The following PIK3C2G variants were observed in gnomAD, a reference collection of about 807,000 sequenced individuals.
The protein encoded by PIK3C2G is phosphatidylinositol 3-kinase C2 domain-containing subunit gamma.
In PIK3C2G, 168 loss-of-function variants were observed where a neutral mutation model predicts 181.1. The observed-to-expected ratio is 0.93, with a 90% CI of 0.82 to 1.05. The LOEUF (loss-of-function observed/expected upper bound fraction) is 1.05. PIK3C2G is among the 50% of genes least tolerant of loss of function. PIK3C2G has a pLI of 0.00. For synonymous variants in PIK3C2G, 573 were observed against 592.2 expected, an observed-to-expected ratio of 0.97 and a Z score of 0.47; for missense variants, 1,869 against 1,732.8, an observed-to-expected ratio of 1.08 and a Z score of -1.40.
In PIK3C2G at chr12:18,399,759, G is replaced by A. The variant is rs777228730; in HGVS notation, c.2227G>A (p.Asp743Asn). The change falls in exon 16 of 33, where the codon GAT (aspartate) becomes AAT (asparagine). Residue 743 changes from aspartate (D) to asparagine (N), a missense_variant. By Grantham distance (23) the Asp-to-Asn change is conservative. Transcript: ENST00000538779. ...AGTCCTGGGTAGTGCCCCTGGATGG[G>A]ATGAAAGGACTGTTTCAGAAATGCA... The part of the protein sequence containing the change: ...PLVLGSAPGW[D>N]ERTVSEMHTI... 1 of 1,606,312 alleles carries A rather than the reference G, an allele frequency of 6.2e-7. No individual in the cohort carries two copies. Among genetic ancestry groups the A allele is most frequent in the African/African-American group, 1.3e-5 (1 of 74,846 alleles).
intron 31 of PIK3C2G, among the ~76,000 whole-genome samples, chr12:18,617,590 T>C (rs1323701272): frequency 6.6e-6 from 1 of 152,182 alleles, no homozygotes; most frequent in Non-Finnish European, 1.5e-5. Context: ...TTTTTGATTC[T>C]AGATTGTATT....
At chr12:18,328,443 G>C (rs1252112075) in intron 8 of PIK3C2G, among the ~76,000 whole-genome samples, 1 of 151,908 alleles carries the variant, frequency 6.6e-6, no homozygotes, top group Non-Finnish European at 1.5e-5. Flanking sequence ...TTTATATTTA[G>C]CTTCTTTTAA....
chr12:18,501,134 A>G (rs989072639), intron 22 of PIK3C2G, among the ~76,000 whole-genome samples: 1 of 152,220 alleles, frequency 6.6e-6, no homozygotes, highest in Non-Finnish European at 1.5e-5. Context: ...CCGCGGCTTC[A>G]TTCTTGAAGT....
In PIK3C2G at chr12:18,507,659, A is replaced by G. The variant is rs186282354; in HGVS notation, c.3323+2198A>G. Among the ~76,000 whole-genome samples, 42 of 152,196 alleles carry G rather than the reference A, an allele frequency of 2.8e-4. 1 individual carries two copies. The highest frequency in any genetic ancestry group is 2.7e-3 in the Admixed American group (41 of 15,300). On this transcript the variant is annotated intron_variant, in intron 24 of 32. Transcript: ENST00000538779. The stretch of plus-strand genomic sequence containing the variant: ...CCTTTTTCTAAAAATTCAAAGATTC[A>G]GTTTGGACATCTTTTTTTTTAATTT...
At chr12:18,386,591 C>T (rs1211753910) in intron 14 of PIK3C2G, among the ~76,000 whole-genome samples, 1 of 152,154 alleles carries the variant, frequency 6.6e-6, no homozygotes, top group Non-Finnish European at 1.5e-5. Context: ...TTTCAAAGTG[C>T]ATCCAGGTGG....
chr12:18,538,118 T>C (rs749761280), intron 24 of PIK3C2G, 38 bp from the exon 25 acceptor site: 1 of 1,578,770 alleles, frequency 6.3e-7, no homozygotes, highest in Non-Finnish European at 8.6e-7. Flanking sequence ...AAACCATTTC[T>C]CTTCCTTCGA....
chr12:18,391,259 G>T lies in PIK3C2G; in HGVS notation c.2126+7G>T. ...AGAAACAGACTCCCCTACTGTAAGT[G>T]ACCTAGGTCTTGTGAATGAATTTTT... On this transcript the variant is annotated splice_region_variant and intron_variant, in intron 15 of 32. Transcript: ENST00000538779. 1 of 1,550,678 alleles carries T rather than the reference G, an allele frequency of 6.4e-7. No homozygotes were observed. The highest frequency in any genetic ancestry group is 1.3e-5 in the South Asian group (1 of 78,612).
chr12:18,586,713 C>G (rs952744315), intron 29 of PIK3C2G, among the ~76,000 whole-genome samples: 1 of 152,036 alleles, frequency 6.6e-6, no homozygotes, highest in African/African-American at 2.4e-5. Flanking sequence ...CCAGTTCATT[C>G]CATGAGGCCA....
At chr12:18,593,787 T>C (rs1947209386) in intron 29 of PIK3C2G, among the ~76,000 whole-genome samples, 1 of 151,924 alleles carries the variant, frequency 6.6e-6, no homozygotes, top group African/African-American at 2.4e-5. Flanking sequence ...TGCATCTCTG[T>C]ACATAGTAAA....
chr12:18,641,799 GA>G (rs1949856166), intron 32 of PIK3C2G, among the ~76,000 whole-genome samples: 1 of 140,812 alleles, frequency 7.1e-6, no homozygotes. Flanking sequence ...TAGCAGGCTG[GA>G]GTGCAGTGGC....
intron 18 of PIK3C2G, among the ~76,000 whole-genome samples, chr12:18,470,240 A>C (rs1938330275): frequency 6.6e-6 from 1 of 152,222 alleles, no homozygotes; most frequent in Middle Eastern, 3.4e-3. Flanking sequence ...CTAGACCAGC[A>C]TTTGGGTTGA....
At chr12:18,569,264 C>T (rs1329482641) in intron 29 of PIK3C2G, among the ~76,000 whole-genome samples, 2 of 152,062 alleles carry the variant, frequency 1.3e-5, no homozygotes, top group East Asian at 1.9e-4. Flanking sequence ...AGATCAAATC[C>T]GAAGAGAGAT....
In PIK3C2G at chr12:18,337,297, CAT is replaced by C. The variant is rs553295622; in HGVS notation, c.1273-1128_1273-1127del. ...TTTAAAATAAATGCTTATTTAAGAA[CAT>C]GTGTAAATCTGAGATACAGAACGGC... On this transcript the variant is annotated intron_variant, in intron 8 of 32. Coordinates refer to ENST00000538779, the MANE Select transcript of PIK3C2G (RefSeq NM_001288772.2). 2.1e-3 allele frequency among the ~76,000 whole-genome samples: 317 copies of C among 152,152 alleles called. 1 individual carries two copies. Among genetic ancestry groups the C allele is most frequent in the African/African-American group, 7.2e-3 (301 of 41,522 alleles).
At chr12:18,464,307 A>T (rs1318602445) in intron 18 of PIK3C2G, among the ~76,000 whole-genome samples, 3 of 152,072 alleles carry the variant, frequency 2.0e-5, no homozygotes, top group African/African-American at 7.2e-5. Flanking sequence ...CTCTTTTATA[A>T]GGGCATGAAT....
chr12:18,571,953 G>T (rs1945966268), intron 29 of PIK3C2G, among the ~76,000 whole-genome samples: 1 of 149,638 alleles, frequency 6.7e-6, no homozygotes, highest in East Asian at 1.9e-4. Flanking sequence ...TTTAAATTTA[G>T]TATTTATTTT....
chr12:18,406,802 T>C lies in PIK3C2G; in HGVS notation c.2315+6955T>C, dbSNP rs140048377. Reference sequence around the variant, plus strand: ...ATATGAATACAATTATAGATAAGTGTGGATACAGAAGAGAAAAATGTGGAA... The same window carrying C: ...ATATGAATACAATTATAGATAAGTGCGGATACAGAAGAGAAAAATGTGGAA... On this transcript the variant is annotated intron_variant, in intron 16 of 32. Transcript: ENST00000538779. 7.3e-3 allele frequency among the ~76,000 whole-genome samples: 1,111 copies of C among 152,248 alleles called. 5 individuals carry two copies. The highest frequency in any genetic ancestry group is 9.9e-3 in the Non-Finnish European group (672 of 67,994).
intron 31 of PIK3C2G, among the ~76,000 whole-genome samples, chr12:18,624,420 G>T (rs1949000593): frequency 6.6e-6 from 1 of 151,638 alleles, no homozygotes; most frequent in African/African-American, 2.4e-5. Flanking sequence ...ATGTGTTATT[G>T]AATTTGATTT....
intron 31 of PIK3C2G, among the ~76,000 whole-genome samples, chr12:18,618,335 A>G (rs1482351063): frequency 6.6e-6 from 1 of 152,166 alleles, no homozygotes; most frequent in Non-Finnish European, 1.5e-5. Flanking sequence ...ATAAATCTAC[A>G]CAATTCTCAG....
At chr12:18,531,292 AT>A (rs575231270) in intron 24 of PIK3C2G, among the ~76,000 whole-genome samples, 4 of 152,286 alleles carry the variant, frequency 2.6e-5, no homozygotes, top group Admixed American at 6.5e-5. Context: ...CAATAAAAAA[AT>A]ATATTTTAAA....
Sources: allele counts gnomAD v4.1 joint callset (sites outside exome capture counted in the v4.1 genomes callset), GRCh38; gene constraint gnomAD v4.1.1; transcripts MANE v1.5; gene names NCBI Gene and HGNC (gene_info 2026-07-23, HGNC 2026-07-21).